Variants in CBLN2 observed in about 807,000 individuals in gnomAD.
CBLN2 encodes the protein cerebellin-2.
Under a neutral mutation model 15.0 loss-of-function variants are expected in CBLN2, and 7 were observed. That is an observed-to-expected ratio of 0.47 (90% CI 0.27 to 0.88). The LOEUF (loss-of-function observed/expected upper bound fraction) is 0.88. Ranked by LOEUF, CBLN2 falls within the 40% of genes least tolerant of loss-of-function variation. The pLI is 0.14. For missense variants in CBLN2, 242 were observed against 304.5 expected (o/e 0.79, Z 1.53); for synonymous variants, 149 against 135.2 (o/e 1.10, Z -0.71).
chr18:72,637,614 T>C (rs2069822671), intron 1 of CBLN2, among the ~76,000 whole-genome samples: 1 of 152,198 alleles, frequency 6.6e-6, no homozygotes, highest in South Asian at 2.1e-4. Context: ...AGTTATGTGC[T>C]ATTTTCCACT....
chr18:72,538,554 A>G (rs2069085777), intron 4 of CBLN2, 99 bp downstream of exon 4: 2 of 1,531,046 alleles, frequency 1.3e-6, no homozygotes, highest in Non-Finnish European at 1.8e-6. Context: ...ACAGACCAGT[A>G]CCCTGTCTCC....
intron 1 of CBLN2, among the ~76,000 whole-genome samples, chr18:72,555,886 T>A (rs594800): frequency 6.6e-6 from 1 of 152,082 alleles, no homozygotes; most frequent in Non-Finnish European, 1.5e-5. Context: ...CACTGTGGGG[T>A]ATCCTGTTGG....
chr18:72,548,326 TTTG>T (rs2069171605), upstream of CBLN2, among the ~76,000 whole-genome samples: 6 of 152,328 alleles, frequency 3.9e-5, no homozygotes, highest in South Asian at 8.3e-4. Context: ...ATAGGACCTT[TTTG>T]TTGTTTCCAA....
At chr18:72,623,977 C>A (rs1292137025) in intron 1 of CBLN2, among the ~76,000 whole-genome samples, 1 of 152,150 alleles carries the variant, frequency 6.6e-6, no homozygotes, top group African/African-American at 2.4e-5. Flanking sequence ...TCACCTGGGA[C>A]CTTCACGAGA....
intron 1 of CBLN2, among the ~76,000 whole-genome samples, chr18:72,580,876 C>T (rs1376028589): frequency 6.6e-6 from 1 of 152,188 alleles, no homozygotes; most frequent in African/African-American, 2.4e-5. Flanking sequence ...AACCAAACTT[C>T]AGTCAGGCTC....
intron 1 of CBLN2, among the ~76,000 whole-genome samples, chr18:72,610,279 T>C (rs910486704): frequency 6.6e-6 from 1 of 152,166 alleles, no homozygotes. Context: ...ATTCTGAGCA[T>C]GTGTGCAGTG....
chr18:72,569,681 A>G (rs2069318241), intron 1 of CBLN2, among the ~76,000 whole-genome samples: 1 of 152,032 alleles, frequency 6.6e-6, no homozygotes, highest in Non-Finnish European at 1.5e-5. Context: ...CAAGAGAGAG[A>G]GGGAGCAGGT....
chr18:72,589,533 T>C (rs909297485), intron 1 of CBLN2, among the ~76,000 whole-genome samples: 7 of 152,108 alleles, frequency 4.6e-5, no homozygotes, highest in Non-Finnish European at 8.8e-5. Flanking sequence ...CAGGAGATAA[T>C]GTAAACTAAG....
chr18:72,572,422 C>T (rs1274024921), intron 1 of CBLN2, among the ~76,000 whole-genome samples: 6 of 152,122 alleles, frequency 3.9e-5, no homozygotes. Flanking sequence ...TAGAAAACTA[C>T]AAAATTTAAA....
intron 1 of CBLN2, among the ~76,000 whole-genome samples, chr18:72,573,343 T>G (rs1309480317): frequency 6.6e-6 from 1 of 152,186 alleles, no homozygotes; most frequent in East Asian, 1.9e-4. Flanking sequence ...TGACATCCAA[T>G]TAAAAGGGAA....
intron 1 of CBLN2, among the ~76,000 whole-genome samples, chr18:72,576,429 G>A (rs1327612940): frequency 6.6e-6 from 1 of 152,026 alleles, no homozygotes; most frequent in Non-Finnish European, 1.5e-5. Context: ...GTGTGCAGCC[G>A]GTTATATCAT....
Position 72,617,993 on chromosome 18 carries a change from GA to G in CBLN2, c.15+20331del, listed in dbSNP as rs202161943. 2.5e-4 allele frequency among the ~76,000 whole-genome samples: 38 copies of G among 152,284 alleles called. No homozygotes were observed. The East Asian group carries it at 6.6e-3, about 26-fold the overall frequency. On this transcript the variant is annotated intron_variant, in intron 1 of 2. Transcript: ENST00000581073. ...AAGAAAAAATTTTAGAAAGTTATCA[GA>G]AAGGGAATTTTGGCTGTTATGGTTA...
chr18:72,542,142 C>G lies in CBLN2; in HGVS notation c.19G>C (p.Gly7Arg). 2 of 1,318,672 alleles carry G rather than the reference C, an allele frequency of 1.5e-6. No individual in the cohort carries two copies. Among genetic ancestry groups the G allele is most frequent in the South Asian group, 4.3e-5 (2 of 46,558 alleles). The allele number at this position is 1,318,672 out of a possible 1,614,324, so 81.7% of individuals were successfully genotyped here. The change falls in exon 3 of 5, where the codon GGG becomes CGG. Residue 7 changes from glycine to arginine, a missense_variant. By Grantham distance (125) the Gly-to-Arg change is moderately radical. Transcript: ENST00000269503. MQAPGR[G>R]PLGLRLMMPG... ...ATCATCAGCCGCAGCCCGAGTGGCC[C>G]CCGGCCGGGCGCCTGCATCGGGACT...
At chr18:72,595,747 G>T (rs945146877) in intron 1 of CBLN2, among the ~76,000 whole-genome samples, 1 of 151,942 alleles carries the variant, frequency 6.6e-6, no homozygotes, top group South Asian at 2.1e-4. Flanking sequence ...TCCTCTTATT[G>T]AATTGGCTCC....
At chr18:72,612,266 A>G (rs1046572139) in intron 1 of CBLN2, among the ~76,000 whole-genome samples, 4 of 152,168 alleles carry the variant, frequency 2.6e-5, no homozygotes, top group Non-Finnish European at 5.9e-5. Context: ...GTTTTTTTCT[A>G]GTTTGAAAAA....
chr18:72,545,227 A>G (rs2069150039), upstream of CBLN2, among the ~76,000 whole-genome samples: 1 of 152,228 alleles, frequency 6.6e-6, no homozygotes, highest in Admixed American at 6.5e-5. Context: ...TAAGCACTGG[A>G]GATGAAATTC....
rs71164094 is a variant in CBLN2, at chr18:72,580,096, A to AAT, written c.16-41326_16-41325dup. ...ACTACTTTTTTCCAAATTATAGCATAATATATATATATATACAAGAAAAAA... is the reference window on the plus strand; with the variant it reads ...ACTACTTTTTTCCAAATTATAGCATAATATATATATATATATACAAGAAAAAA... On this transcript the variant is annotated intron_variant, in intron 1 of 2. Coordinates refer to the CBLN2 transcript ENST00000581073. Among the ~76,000 whole-genome samples the AAT allele has an allele frequency of 1.0e-3, 157 of 150,540 alleles. 1 individual carries two copies. Among genetic ancestry groups the AAT allele is most frequent in the South Asian group, 2.1e-3 (10 of 4,780 alleles).
chr18:72,555,922 TG>T (rs2069224346), intron 1 of CBLN2, among the ~76,000 whole-genome samples: 1 of 152,110 alleles, frequency 6.6e-6, no homozygotes, highest in Admixed American at 6.6e-5. Context: ...TGGCTTCAGG[TG>T]AGGCTTGAGG....
At position 72,541,963 on chromosome 18, in the gene CBLN2, C is replaced by A; in HGVS notation, c.198G>T (p.Val66=). 6.2e-7 allele frequency: 1 copy of A among 1,607,240 alleles called. No homozygotes were observed. ...CCGCCGACGGGCTGGAGTCGCACACCACCAGGCACTTGCCCTCCAGCACGA... is the reference window on the plus strand; with the variant it reads ...CCGCCGACGGGCTGGAGTCGCACACAACCAGGCACTTGCCCTCCAGCACGA... The part of the protein sequence containing the change: ...EPIVLEGKCL[V]VCDSSPSADG... The change falls in exon 3 of 5, where the codon GTG becomes GTT. Residue 66 remains valine, a synonymous_variant. Transcript: ENST00000269503.
Sources: allele counts gnomAD v4.1 joint callset (sites outside exome capture counted in the v4.1 genomes callset), GRCh38; gene constraint gnomAD v4.1.1; transcripts MANE v1.5; gene names NCBI Gene and HGNC (gene_info 2026-07-23, HGNC 2026-07-21).